The following PASD1 variants were observed in gnomAD, a reference collection of about 807,000 sequenced individuals.
The protein encoded by PASD1 is PAS domain containing repressor 1.
Under a neutral mutation model 58.8 loss-of-function variants are expected in PASD1, and 13 were observed. The ratio of observed to expected loss-of-function variants is 0.22; its 90% CI spans 0.14 to 0.35. The LOEUF is 0.35. Among genes scored for constraint, PASD1 ranks in the 10% least tolerant of loss-of-function variants. The pLI is 1.00. For synonymous variants in PASD1, 236 were observed against 216.7 expected (o/e 1.09, Z -0.78); for missense variants, 734 against 568.3 (o/e 1.29, Z -2.96).
Position 151,563,799 on chromosome X carries a change from C to G in PASD1, c.-68C>G, listed in dbSNP as rs1253903059. 1.8e-5 allele frequency: 2 copies of G among 112,261 alleles called. No individual in the cohort carries two copies. The highest frequency in any genetic ancestry group is 3.8e-5 in the Non-Finnish European group (2 of 53,221). The allele number at this position is 112,261 out of a possible 1,213,427, so 9.3% of individuals were successfully genotyped here. A position where few individuals can be genotyped will look rare whatever the true frequency, so the allele number is the denominator to read the frequency against. On this transcript the variant is annotated 5_prime_UTR_variant, in exon 1 of 16. Coordinates refer to ENST00000370357, the MANE Select transcript of PASD1 (RefSeq NM_173493.3). ...CCACAGGGAGGAGCTTCAAGGTACCCCAAGTCCCTGCGGCCTCCAGCAGTG... is the reference window on the plus strand; with the variant it reads ...CCACAGGGAGGAGCTTCAAGGTACCGCAAGTCCCTGCGGCCTCCAGCAGTG...
chrX:151,666,401 T>A (rs1023880251), intron 11 of PASD1, among the ~76,000 whole-genome samples: 4 of 109,611 alleles, frequency 3.6e-5, no homozygotes, highest in African/African-American at 1.3e-4. Context: ...TTTTTAATTA[T>A]ACTTTAAGAT....
chrX:151,667,071 T>G (rs761430067), intron 11 of PASD1, among the ~76,000 whole-genome samples: 2 of 110,576 alleles, frequency 1.8e-5, no homozygotes, highest in African/African-American at 6.8e-5. Flanking sequence ...TTTAATGATT[T>G]TTATTCTAAC....
intron 9 of PASD1, among the ~76,000 whole-genome samples, chrX:151,654,081 C>T (rs1233142188): frequency 9.7e-6 from 1 of 103,127 alleles, no homozygotes; most frequent in African/African-American, 3.5e-5. Flanking sequence ...ATGATCCTCC[C>T]AACTCAGCCT....
rs2280923 is a variant in PASD1, at chrX:151,676,707, T to A, written c.*564T>A. The stretch of plus-strand genomic sequence containing the variant: ...CTTCAGAGCTAAAATAATTATGGCT[T>A]CCTTGCTTAATAAACATTTTCGTTC... On this transcript the variant is annotated 3_prime_UTR_variant, in exon 16 of 16. Transcript: ENST00000370357. The A allele has an allele frequency of 0.21, 22,949 of 111,403 alleles. 1,901 individuals are homozygous for A. The highest frequency in any genetic ancestry group is 0.38 in the Middle Eastern group (82 of 216). The allele number at this position is 111,403 out of a possible 1,213,427, so 9.2% of individuals were successfully genotyped here.
At chrX:151,619,310 A>G (rs1292489393) in intron 4 of PASD1, among the ~76,000 whole-genome samples, 1 of 111,731 alleles carries the variant, frequency 9.0e-6, no homozygotes, top group East Asian at 2.8e-4. Context: ...TGTCAAAGAA[A>G]AGATCAGTTC....
At chrX:151,664,041 G>A (rs1365458382) in intron 10 of PASD1, 78 bp from the exon 11 acceptor site, 1 of 1,161,669 alleles carries the variant, frequency 8.6e-7, no homozygotes, top group African/African-American at 1.8e-5. Flanking sequence ...GGGCTAAAAT[G>A]ACCCTCGTAC....
intron 4 of PASD1, among the ~76,000 whole-genome samples, chrX:151,617,138 T>C (rs1042379134): frequency 3.5e-4 from 39 of 111,684 alleles, no homozygotes; most frequent in Non-Finnish European, 6.6e-4. Flanking sequence ...AGTTTTTCGC[T>C]GGTATTTATC....
chrX:151,618,906 T>C (rs73239674), intron 4 of PASD1, among the ~76,000 whole-genome samples: 26 of 111,179 alleles, frequency 2.3e-4, no homozygotes, highest in Non-Finnish European at 4.7e-4. Context: ...TATAGAGTGG[T>C]GAAAGCCCTT....
chrX:151,623,084 G>A lies in PASD1; in HGVS notation c.546+20G>A, dbSNP rs746489724. On this transcript the variant is annotated intron_variant, in intron 7 of 15. Transcript: ENST00000370357. Reference sequence around the variant, plus strand: ...CTGCAGGTGGGTATACTGTGTTTGTGCTTCCCCCGCTGTGGCGATGTGGGC... The same window carrying A: ...CTGCAGGTGGGTATACTGTGTTTGTACTTCCCCCGCTGTGGCGATGTGGGC... The A allele has an allele frequency of 3.3e-6, 4 of 1,201,123 alleles. No individual in the cohort carries two copies. The African/African-American group carries it at 5.3e-5, about 16-fold the overall frequency.
At position 151,674,046 on chromosome X, in the gene PASD1, A is replaced by G. The variant is rs773194276; in HGVS notation, c.2035A>G (p.Thr679Ala). ...TCAGTTTCCCATAACTTCAGACTCA[A>G]CCATAAGCACCCTGGAGACCCCACA... ...IPQFPITSDSTISTLETPQDY... is the reference protein window; with the variant it reads ...IPQFPITSDSAISTLETPQDY... Residue 679 changes from threonine (T) to alanine (A), a missense_variant, in exon 15 of 16, where the codon ACC becomes GCC. By Grantham distance (58) the Thr-to-Ala change is moderately conservative. Transcript: ENST00000370357. 5.0e-6 allele frequency: 6 copies of G among 1,211,519 alleles called. No individual in the cohort carries two copies. In the South Asian group the frequency reaches 1.1e-4, roughly 21 times the overall value.
chrX:151,583,453 T>A (rs1208412401), intron 1 of PASD1, among the ~76,000 whole-genome samples: 2 of 112,059 alleles, frequency 1.8e-5, no homozygotes, highest in Admixed American at 1.9e-4. Flanking sequence ...GATGGTTTCA[T>A]CTCCAAGGAA....
chrX:151,586,415 G>C (rs1227345249), intron 1 of PASD1, among the ~76,000 whole-genome samples: 3 of 111,845 alleles, frequency 2.7e-5, no homozygotes, highest in South Asian at 3.8e-4. Context: ...AATGTTTACA[G>C]ACTGATTTTC....
At chrX:151,582,537 G>T (rs755642145) in intron 1 of PASD1, among the ~76,000 whole-genome samples, 3 of 111,384 alleles carry the variant, frequency 2.7e-5, no homozygotes, top group African/African-American at 9.8e-5. Context: ...ACCCAAAGGG[G>T]CTTTAGGAGA....
intron 8 of PASD1, among the ~76,000 whole-genome samples, chrX:151,631,552 A>G (rs986158459): frequency 8.9e-6 from 1 of 112,316 alleles, no homozygotes; most frequent in African/African-American, 3.2e-5. Context: ...AAAGTAAAGT[A>G]GAAAACACTG....
chrX:151,669,093 G>A (rs895516228), intron 11 of PASD1, among the ~76,000 whole-genome samples: 1 of 107,015 alleles, frequency 9.3e-6, no homozygotes, highest in African/African-American at 3.4e-5. Context: ...TTAAGATATT[G>A]TGGATGTTAA....
intron 13 of PASD1, 80 bp downstream of exon 13, chrX:151,671,859 A>AG: frequency 9.8e-7 from 1 of 1,018,038 alleles, no homozygotes; most frequent in Non-Finnish European, 1.4e-6. Context: ...GGTTCTCCTT[A>AG]GGGGGTAGTG....
chrX:151,647,000 T>C (rs2014068947), intron 8 of PASD1, among the ~76,000 whole-genome samples: 1 of 111,989 alleles, frequency 8.9e-6, no homozygotes, highest in African/African-American at 3.2e-5. Flanking sequence ...GACTTGGAGA[T>C]TTCAGTCTTG....
At chrX:151,592,581 G>A (rs536720435) in intron 1 of PASD1, among the ~76,000 whole-genome samples, 1 of 111,772 alleles carries the variant, frequency 8.9e-6, no homozygotes, top group Non-Finnish European at 1.9e-5. Flanking sequence ...AATTTTTATA[G>A]TAAATCATTT....
At chrX:151,602,194 T>A (rs1300476972) in intron 2 of PASD1, among the ~76,000 whole-genome samples, 1 of 111,921 alleles carries the variant, frequency 8.9e-6, no homozygotes, top group Non-Finnish European at 1.9e-5. Flanking sequence ...TTTACTGTAG[T>A]CACCATGATG....
Sources: gnomAD v4.1 joint callset for allele counts (sites outside exome capture counted in the v4.1 genomes callset) on GRCh38, gnomAD v4.1.1 for gene constraint, MANE v1.5 for transcripts, NCBI Gene and HGNC (gene_info 2026-07-23, HGNC 2026-07-21) for gene names.